The following SCN11A variants were observed in gnomAD, a reference collection of about 807,000 sequenced individuals.
The protein encoded by SCN11A is sodium channel protein type 11 subunit alpha.
Under a neutral mutation model 162.2 loss-of-function variants are expected in SCN11A, and 122 were observed. The ratio of observed to expected loss-of-function variants is 0.75; its 90% confidence interval spans 0.65 to 0.87. The LOEUF (loss-of-function observed/expected upper bound fraction) is 0.87. Ranked by LOEUF, SCN11A falls within the 40% of genes least tolerant of loss-of-function variation. The pLI is 0.00. For synonymous variants in SCN11A, 758 were observed against 751.5 expected (o/e 1.01, Z -0.14); for missense variants, 2,015 against 2,181.6 (o/e 0.92, Z 1.52).
chr3:38,978,981 A>G (rs373502340), intron 2 of SCN11A, among the ~76,000 whole-genome samples: 1 of 152,244 alleles, frequency 6.6e-6, no homozygotes, highest in South Asian at 2.1e-4. Context: ...GGAAACCTTT[A>G]AAGAACTTCT....
At chr3:39,027,526 T>A (rs11711328) in intron 2 of SCN11A, among the ~76,000 whole-genome samples, 1 of 152,120 alleles carries the variant, frequency 6.6e-6, no homozygotes, top group African/African-American at 2.4e-5. Flanking sequence ...AGGACCAGCA[T>A]TGGCACTCAG....
intron 2 of SCN11A, among the ~76,000 whole-genome samples, chr3:38,963,367 A>ATATG (rs1553646194): frequency 2.3e-5 from 2 of 87,368 alleles, no homozygotes; most frequent in African/African-American, 1.1e-4. Flanking sequence ...ATATATATAT[A>ATATG]TATATATATA....
chr3:39,038,195 TCA>T (rs1174719282), intron 1 of SCN11A, among the ~76,000 whole-genome samples: 2 of 152,224 alleles, frequency 1.3e-5, no homozygotes, highest in Non-Finnish European at 2.9e-5. Context: ...ATTTATTGTT[TCA>T]CACAGTTTCT....
intron 2 of SCN11A, among the ~76,000 whole-genome samples, chr3:39,003,227 T>G (rs2030870355): frequency 1.3e-5 from 2 of 152,224 alleles, no homozygotes; most frequent in Admixed American, 1.3e-4. Context: ...TTTTCTTCTT[T>G]GTGTTCATAA....
chr3:38,908,041 A>C lies in SCN11A; in HGVS notation c.1381T>G (p.Phe461Val). 6.2e-7 allele frequency: 1 copy of C among 1,613,756 alleles called. No homozygotes were observed. The highest frequency in any genetic ancestry group is 8.5e-7 in the Non-Finnish European group (1 of 1,179,912). ...AAGGACTTCCTTTTCTTATTACCAA[A>C]GAGCTTTCTCTTTTTTGGGGTAAAA... ...SYFTPKKRKL[F>V]GNKKRKSFFL... The change falls in exon 14 of 30, where the codon TTT (phenylalanine) becomes GTT (valine). Residue 461 changes from phenylalanine (F) to valine (V), a missense_variant. Coordinates refer to ENST00000302328, the MANE Select transcript of SCN11A (RefSeq NM_001349253.2).
intron 22 of SCN11A, among the ~76,000 whole-genome samples, chr3:38,882,862 C>T (rs138313342): frequency 2.6e-5 from 4 of 152,280 alleles, no homozygotes; most frequent in African/African-American, 9.6e-5. Flanking sequence ...GAAAACAGCA[C>T]TATGGCTTAT....
rs1449451892 is a variant in SCN11A, at chr3:38,965,339, G to T, written c.-279-4916C>A. Among the ~76,000 whole-genome samples, 3 of 152,304 alleles carry T rather than the reference G, an allele frequency of 2.0e-5. No homozygotes were observed. The East Asian group carries it at 5.8e-4, about 29-fold the overall frequency. ...CAGCCCTGGCTCCTCAATCTTGTAT[G>T]TCTGGTCCTGGGAAGGAGGCCCTGC... On this transcript the variant is annotated intron_variant, in intron 2 of 29. Transcript: ENST00000302328.
chr3:39,006,443 A>G (rs982847780), intron 2 of SCN11A, among the ~76,000 whole-genome samples: 1 of 152,210 alleles, frequency 6.6e-6, no homozygotes, highest in Non-Finnish European at 1.5e-5. Context: ...CTGATGCTCA[A>G]TCAGGGTTTG....
chr3:39,028,167 C>T (rs2031637447), intron 2 of SCN11A, among the ~76,000 whole-genome samples: 1 of 152,198 alleles, frequency 6.6e-6, no homozygotes, highest in Non-Finnish European at 1.5e-5. Context: ...ATCTCTAGCC[C>T]TCTAGATTTT....
intron 23 of SCN11A, among the ~76,000 whole-genome samples, chr3:38,877,146 T>C (rs1324074715): frequency 9.4e-6 from 1 of 105,904 alleles, no homozygotes; most frequent in Non-Finnish European, 1.8e-5. Flanking sequence ...ATATATATGG[T>C]ATATATATGG....
At chr3:38,897,300 C>G in intron 17 of SCN11A, 75 bp from the exon 18 acceptor site, 1 of 1,439,640 alleles carries the variant, frequency 6.9e-7, no homozygotes, top group Non-Finnish European at 9.4e-7. Flanking sequence ...ATCTATAAAG[C>G]AAATGACATA....
intron 11 of SCN11A, among the ~76,000 whole-genome samples, chr3:38,918,261 G>A (rs1027916192): frequency 5.3e-5 from 8 of 152,088 alleles, no homozygotes; most frequent in Non-Finnish European, 8.8e-5. Context: ...AGCAGCTGTC[G>A]GGCTCCCTTT....
intron 2 of SCN11A, among the ~76,000 whole-genome samples, chr3:38,980,029 A>C (rs1198081561): frequency 6.6e-6 from 1 of 152,162 alleles, no homozygotes; most frequent in Non-Finnish European, 1.5e-5. Context: ...CGTATGGCCC[A>C]CATCACACCC....
chr3:39,037,906 G>A (rs1453523191), intron 1 of SCN11A, among the ~76,000 whole-genome samples: 1 of 152,134 alleles, frequency 6.6e-6, no homozygotes. Flanking sequence ...TAGGTGTCAA[G>A]GCTTCTTACA....
intron 1 of SCN11A, among the ~76,000 whole-genome samples, chr3:39,050,435 G>A (rs1027907531): frequency 2.6e-5 from 4 of 152,174 alleles, no homozygotes; most frequent in Admixed American, 1.3e-4. Context: ...TATATGATAT[G>A]CTAAATAATA....
Position 38,850,637 on chromosome 3 carries a change from G to T in SCN11A, c.4171C>A (p.Pro1391Thr). ...TCAAGGATGGATTTCATGGCTTTGG[G>T]TTGGTTGTATGATTCAGCCATCATG... ...ISMMAESYNQ[P>T]KAMKSILDHL... Residue 1391 changes from proline (P) to threonine (T), a missense_variant, in exon 29 of 30, where the codon CCC becomes ACC. Coordinates refer to ENST00000302328, the MANE Select transcript of SCN11A (RefSeq NM_001349253.2). 1 of 1,613,932 alleles carries T rather than the reference G, an allele frequency of 6.2e-7. No individual in the cohort carries two copies. The highest frequency in any genetic ancestry group is 1.1e-5 in the South Asian group (1 of 91,070).
intron 3 of SCN11A, among the ~76,000 whole-genome samples, chr3:38,954,528 C>A (rs937848885): frequency 2.0e-5 from 3 of 152,098 alleles, no homozygotes; most frequent in African/African-American, 7.2e-5. Flanking sequence ...GATATTTTGC[C>A]TGGGTTCTTA....
chr3:38,887,125 G>A (rs2065414317), intron 19 of SCN11A, among the ~76,000 whole-genome samples: 1 of 151,998 alleles, frequency 6.6e-6, no homozygotes, highest in African/African-American at 2.4e-5. Context: ...GTTCTTTTAT[G>A]TGGTCATATG....
At chr3:38,885,207 C>T in intron 21 of SCN11A, 81 bp downstream of exon 21, 2 of 818,204 alleles carry the variant, frequency 2.4e-6, no homozygotes. Flanking sequence ...ATGATATCTA[C>T]TAAAACCACA....
Sources: allele counts gnomAD v4.1 joint callset (sites outside exome capture counted in the v4.1 genomes callset), GRCh38; gene constraint gnomAD v4.1.1; transcripts MANE v1.5; gene names NCBI Gene and HGNC (gene_info 2026-07-23, HGNC 2026-07-21).